Variants in RGS8 observed in about 807,000 individuals in gnomAD.
RGS8 encodes the protein regulator of G-protein signaling 8.
Under a neutral mutation model 21.7 loss-of-function variants are expected in RGS8, and 8 were observed. The observed-to-expected ratio is 0.37, with a 90% confidence interval of 0.22 to 0.66. The LOEUF is 0.66. RGS8 is among the 30% of genes least tolerant of loss of function. The pLI is 0.59. For synonymous variants in RGS8, 80 were observed against 83.6 expected (o/e 0.96, Z 0.24); for missense variants, 157 against 217.9 (o/e 0.72, Z 1.76).
chr1:182,740,472 G>A, the RGS8 span, among the ~76,000 whole-genome samples: 5 of 150,266 alleles, frequency 3.3e-5, no homozygotes, highest in Admixed American at 2.0e-4. Context: ...ATCAAAGGTC[G>A]TACATCTATT....
At chr1:182,747,041 G>GTTTTTT in the RGS8 span, among the ~76,000 whole-genome samples, 2 of 26,190 alleles carry the variant, frequency 7.6e-5, no homozygotes, top group Non-Finnish European at 2.2e-4. Context: ...AACACTGCTG[G>GTTTTTT]TCTTTTTTTT....
the RGS8 span, among the ~76,000 whole-genome samples, chr1:182,731,088 G>A: frequency 6.6e-6 from 1 of 152,084 alleles, no homozygotes; most frequent in African/African-American, 2.4e-5. Context: ...CCTATAACTT[G>A]CCCCTAAAAA....
chr1:182,696,432 A>G, the RGS8 span, among the ~76,000 whole-genome samples: 1 of 152,084 alleles, frequency 6.6e-6, no homozygotes, highest in Non-Finnish European at 1.5e-5. Context: ...ATCTTGGCTC[A>G]CTGCAACCTC....
At chr1:182,729,367 T>C in the RGS8 span, among the ~76,000 whole-genome samples, 1 of 152,200 alleles carries the variant, frequency 6.6e-6, no homozygotes, top group African/African-American at 2.4e-5. Context: ...AGATATCTCT[T>C]TCACTAGTGA....
rs1352463819 is a variant in RGS8, at chr1:182,684,129, AC to A, written n.221+226del. On this transcript the variant is annotated intron_variant and non_coding_transcript_variant, in intron 1 of 4. Transcript: ENST00000515211. This position sits in a 1 kb window ranked among gnomAD's most constrained non-coding sequence, Gnocchi z 4.2. ...ACACAAAGGACATTTGAGGCTTAGC[AC>A]CTGCTAACTGGGAAGAACAGGCATA... Among the ~76,000 whole-genome samples, 1 of 152,212 alleles carries A rather than the reference AC, an allele frequency of 6.6e-6. No homozygotes were observed. Among genetic ancestry groups the A allele is most frequent in the Non-Finnish European group, 1.5e-5 (1 of 68,038 alleles).
At chr1:182,646,664 C>G (rs1323411397) in exon 7 of RGS8, 2 of 1,406,862 alleles carry the variant, frequency 1.4e-6, no homozygotes, top group Non-Finnish European at 2.0e-6. Context: ...TATGACATTT[C>G]ACATTAGAAT....
At chr1:182,725,970 T>C in the RGS8 span, among the ~76,000 whole-genome samples, 667 of 152,342 alleles carry the variant, frequency 4.4e-3, 4 homozygotes, top group Non-Finnish European at 7.2e-3. Context: ...TAATAAATGA[T>C]GAACACTTAG....
chr1:182,726,946 G>C, the RGS8 span, among the ~76,000 whole-genome samples: 1 of 152,188 alleles, frequency 6.6e-6, no homozygotes, highest in East Asian at 1.9e-4. Context: ...GGCTGCAGCA[G>C]GCTTCTTCAC....
At chr1:182,721,132 G>A in the RGS8 span, among the ~76,000 whole-genome samples, 1 of 147,844 alleles carries the variant, frequency 6.8e-6, no homozygotes, top group South Asian at 2.1e-4. Flanking sequence ...TAATCTCCCT[G>A]ATTTAGTCTT....
the RGS8 span, among the ~76,000 whole-genome samples, chr1:182,751,652 A>G: frequency 6.6e-6 from 1 of 152,140 alleles, no homozygotes. Context: ...GATTTTTGCT[A>G]TGATTTAGCC....
At chr1:182,742,967 A>C in the RGS8 span, among the ~76,000 whole-genome samples, 4 of 152,210 alleles carry the variant, frequency 2.6e-5, no homozygotes, top group Non-Finnish European at 1.5e-5. Context: ...TTCCTCAATT[A>C]AAGTGGCATT....
upstream of RGS8, among the ~76,000 whole-genome samples, chr1:182,676,336 G>C (rs1302598516): frequency 6.6e-6 from 1 of 152,186 alleles, no homozygotes; most frequent in East Asian, 1.9e-4. Flanking sequence ...CACATTTAAA[G>C]CTTTTAATAA....
At chr1:182,751,337 C>G in the RGS8 span, among the ~76,000 whole-genome samples, 1 of 152,126 alleles carries the variant, frequency 6.6e-6, no homozygotes, top group Non-Finnish European at 1.5e-5. Flanking sequence ...AGACTAAAAC[C>G]TAGGCATACT....
At chr1:182,729,209 A>C in the RGS8 span, among the ~76,000 whole-genome samples, 2 of 152,244 alleles carry the variant, frequency 1.3e-5, no homozygotes, top group Non-Finnish European at 2.9e-5. Context: ...ATGGATGGTA[A>C]AAATGCTGGC....
At chr1:182,651,346 C>A (rs1663004572) in intron 5 of RGS8, among the ~76,000 whole-genome samples, 1 of 152,172 alleles carries the variant, frequency 6.6e-6, no homozygotes, top group Non-Finnish European at 1.5e-5. Context: ...CTCAGCCGAG[C>A]CTACCCTAAA....
rs1664587930 is a variant in RGS8, at chr1:182,683,052, G to A, written n.221+1304C>T. ...TATGTGGAAAAAATCTTTAAACAAA[G>A]AAGAAGCTAGAAGGATGTGATACCC... is the stretch of plus-strand genomic sequence containing the variant. On this transcript the variant is annotated intron_variant and non_coding_transcript_variant, in intron 1 of 4. Coordinates refer to the RGS8 transcript ENST00000515211. 2.6e-5 allele frequency among the ~76,000 whole-genome samples: 4 copies of A among 152,308 alleles called. No individual in the cohort carries two copies. In the South Asian group the frequency reaches 8.3e-4, roughly 32 times the overall value.
the RGS8 span, among the ~76,000 whole-genome samples, chr1:182,750,848 T>A: frequency 4.0e-5 from 6 of 151,010 alleles, no homozygotes; most frequent in East Asian, 1.2e-3. Context: ...TTCTAGAGGA[T>A]GTAGGTATAT....
At chr1:182,645,426 T>C (rs1662659998), downstream of RGS8, 1 of 152,262 alleles carries the variant, frequency 6.6e-6, no homozygotes, top group Non-Finnish European at 1.5e-5. Flanking sequence ...AGTCAGCTTT[T>C]TCCTGGGTGG....
the RGS8 span, among the ~76,000 whole-genome samples, chr1:182,721,564 A>T: frequency 6.6e-6 from 1 of 152,198 alleles, no homozygotes; most frequent in African/African-American, 2.4e-5. Flanking sequence ...TCCCAGGGAA[A>T]GGGCATCTCA....
Sources: gnomAD v4.1 joint callset for allele counts (sites outside exome capture counted in the v4.1 genomes callset) on GRCh38, gnomAD v4.1.1 for gene constraint, Gnocchi (gnomAD v3.1) non-coding constraint, MANE v1.5 for transcripts, NCBI Gene and HGNC (gene_info 2026-07-23, HGNC 2026-07-21) for gene names.